The following GRIP1 variants were observed in gnomAD, a reference collection of about 807,000 sequenced individuals.
GRIP1 encodes the protein glutamate receptor-interacting protein 1.
In GRIP1, 45 loss-of-function variants were observed where a neutral mutation model predicts 129.9. The ratio of observed to expected loss-of-function variants is 0.35; its 90% CI spans 0.27 to 0.44. The LOEUF is 0.44. GRIP1 is among the 20% of genes least tolerant of loss of function. The pLI, the probability that GRIP1 is intolerant of heterozygous loss-of-function variation, is 1.00. For synonymous variants in GRIP1, 530 were observed against 520.8 expected, an observed-to-expected ratio of 1.02 and a Z score of -0.24; for missense variants, 1,196 against 1,396.8, an observed-to-expected ratio of 0.86 and a Z score of 2.29.
intron 1 of GRIP1, among the ~76,000 whole-genome samples, chr12:66,842,811 G>A (rs1002308386): frequency 6.6e-6 from 1 of 152,066 alleles, no homozygotes; most frequent in Non-Finnish European, 1.5e-5. Context: ...TAGGGTCAAA[G>A]ATGCATTTTT....
chr12:66,959,448 T>C (rs1036142566), intron 1 of GRIP1, among the ~76,000 whole-genome samples: 1 of 152,200 alleles, frequency 6.6e-6, no homozygotes, highest in Admixed American at 6.5e-5. Context: ...GCACAGATTA[T>C]GCATCTATTA....
chr12:66,752,912 C>A (rs2037171773), intron 1 of GRIP1, among the ~76,000 whole-genome samples: 1 of 152,106 alleles, frequency 6.6e-6, no homozygotes, highest in South Asian at 2.1e-4. Context: ...AATATAACAT[C>A]TATTTCAAAA....
chr12:66,942,706 A>C (rs186031282), intron 1 of GRIP1, among the ~76,000 whole-genome samples: 5 of 152,296 alleles, frequency 3.3e-5, no homozygotes, highest in Non-Finnish European at 7.3e-5. Context: ...AAGAGGGGGC[A>C]GTGTAATGGA....
chr12:66,810,386 C>T (rs1294672126), intron 1 of GRIP1, among the ~76,000 whole-genome samples: 3 of 152,014 alleles, frequency 2.0e-5, no homozygotes, highest in Admixed American at 6.6e-5. Context: ...GGTGAAACCC[C>T]GTCTCTACTA....
chr12:66,572,739 C>A (rs1350491605), intron 2 of GRIP1, among the ~76,000 whole-genome samples: 1 of 152,084 alleles, frequency 6.6e-6, no homozygotes, highest in Admixed American at 6.6e-5. Flanking sequence ...GTCTGAATAC[C>A]CCCAGTGTGA....
intron 1 of GRIP1, among the ~76,000 whole-genome samples, chr12:66,783,649 G>A (rs188336482): frequency 1.3e-3 from 192 of 152,158 alleles, no homozygotes; most frequent in African/African-American, 4.4e-3. Flanking sequence ...CCAACACATC[G>A]ATTTTACAGT....
chr12:66,852,768 T>C (rs1679481567), intron 1 of GRIP1, among the ~76,000 whole-genome samples: 1 of 151,994 alleles, frequency 6.6e-6, no homozygotes, highest in Non-Finnish European at 1.5e-5. Context: ...ACATTATTAA[T>C]GGGAAATCTG....
intron 1 of GRIP1, among the ~76,000 whole-genome samples, chr12:66,822,044 GTTTC>G (rs752379643): frequency 1.5e-4 from 23 of 152,086 alleles, no homozygotes; most frequent in South Asian, 8.3e-4. Flanking sequence ...GTGTATGTGT[GTTTC>G]TTTCTTTTCA....
At chr12:66,903,931 A>C (rs1170228272) in intron 1 of GRIP1, among the ~76,000 whole-genome samples, 1 of 152,168 alleles carries the variant, frequency 6.6e-6, no homozygotes, top group Non-Finnish European at 1.5e-5. Flanking sequence ...CAGCCAAGCA[A>C]AGGTTTTCAA....
At chr12:66,388,048 AG>A (rs1449763618) in intron 19 of GRIP1, among the ~76,000 whole-genome samples, 4 of 152,076 alleles carry the variant, frequency 2.6e-5, no homozygotes, top group African/African-American at 9.7e-5. Flanking sequence ...TGAATGAAAG[AG>A]TAAAATTAAA....
At chr12:66,349,411 A>G (rs2054121457) in intron 24 of GRIP1, among the ~76,000 whole-genome samples, 165 bp from the exon 25 acceptor site, 1 of 152,204 alleles carries the variant, frequency 6.6e-6, no homozygotes, top group Non-Finnish European at 1.5e-5. Flanking sequence ...TACTGGCTCA[A>G]TTGCCATTGT....
chr12:66,939,313 C>T (rs2137439532), intron 1 of GRIP1, among the ~76,000 whole-genome samples: 1 of 152,108 alleles, frequency 6.6e-6, no homozygotes, highest in African/African-American at 2.4e-5. Flanking sequence ...CATCACAGCA[C>T]ACTAACCTGG....
intron 1 of GRIP1, among the ~76,000 whole-genome samples, chr12:67,015,721 A>G (rs952554184): frequency 7.9e-5 from 12 of 152,320 alleles, no homozygotes; most frequent in Middle Eastern, 3.4e-3. Flanking sequence ...GGCTTCAACC[A>G]TGTTGTGATG....
intron 1 of GRIP1, among the ~76,000 whole-genome samples, chr12:66,756,935 C>A (rs574439459): frequency 6.6e-6 from 1 of 152,112 alleles, no homozygotes; most frequent in South Asian, 2.1e-4. Context: ...ACCCTATGTG[C>A]CAGAAACTTC....
intron 1 of GRIP1, among the ~76,000 whole-genome samples, chr12:67,066,911 T>TATATATATATATATATATATATAC (rs1474197671): frequency 2.8e-5 from 4 of 140,604 alleles, no homozygotes; most frequent in African/African-American, 8.0e-5. Context: ...TATATATATA[T>TATATATATATATATATATATATAC]ACACACACAC....
intron 1 of GRIP1, among the ~76,000 whole-genome samples, chr12:66,617,663 A>G (rs2065100701): frequency 6.6e-6 from 1 of 152,066 alleles, no homozygotes; most frequent in Non-Finnish European, 1.5e-5. Flanking sequence ...CTGGGATATT[A>G]ACTTATTCTT....
intron 1 of GRIP1, among the ~76,000 whole-genome samples, chr12:66,606,992 GGA>G (rs80101645): frequency 3.0e-4 from 45 of 148,680 alleles, no homozygotes; most frequent in Non-Finnish European, 3.9e-4. Context: ...ATCCTTACTT[GGA>G]GAGAGAGAGA....
intron 7 of GRIP1, among the ~76,000 whole-genome samples, chr12:66,496,920 G>C (rs2060253758): frequency 6.6e-6 from 1 of 152,072 alleles, no homozygotes; most frequent in South Asian, 2.1e-4. Context: ...AAAGAAAAAA[G>C]GAAGGAAAGA....
At chr12:66,790,153 G>A (rs1244525636) in intron 1 of GRIP1, among the ~76,000 whole-genome samples, 1 of 152,140 alleles carries the variant, frequency 6.6e-6, no homozygotes, top group Non-Finnish European at 1.5e-5. Context: ...AAGAATAACT[G>A]ATTTCATTTT....
Sources: gnomAD v4.1 joint callset for allele counts (sites outside exome capture counted in the v4.1 genomes callset) on GRCh38, gnomAD v4.1.1 for gene constraint, MANE v1.5 for transcripts, NCBI Gene and HGNC (gene_info 2026-07-23, HGNC 2026-07-21) for gene names.